MASP2: variants seen among roughly 807,000 people sequenced by gnomAD.
MASP2 encodes MBL associated serine protease 2, also known as mannan-binding lectin serine protease 2.
MASP2 carries 49 observed loss-of-function variants against 57.1 expected under a neutral mutation model. That is an observed-to-expected ratio of 0.86 (90% CI 0.68 to 1.09). The LOEUF is 1.09. MASP2 is among the 50% of genes least tolerant of loss of function. The probability of loss-of-function intolerance (pLI) is 0.00; values close to 1 mark genes in which losing one functional copy is unlikely to be tolerated. For missense variants in MASP2, 900 were observed against 874.8 expected (o/e 1.03, Z -0.36); for synonymous variants, 379 against 340.8 (o/e 1.11, Z -1.24).
rs1431701571 is a variant in MASP2 at position 11,030,176 on chromosome 1, C to T, written c.1297G>A (p.Val433Ile). The T allele has an allele frequency of 1.2e-6, 2 of 1,609,692 alleles. No homozygotes were observed. The highest frequency in any genetic ancestry group is 1.7e-6 in the Non-Finnish European group (2 of 1,176,556). The change falls in exon 10 of 11, where the codon GTT (valine) becomes ATT (isoleucine). Residue 433 changes from valine (V) to isoleucine (I), a missense_variant and splice_region_variant. Transcript: ENST00000400897. ...TCTCTTGTATAAATGTATCCATTAC[C>T]AGGCTCACAGACTGGGAGTGATTTT... ...GEKSLPVCEP[V>I]CGLSARTTGG... is the part of the protein sequence containing the mutation.
rs72550868 is a variant in MASP2 at position 11,037,844 on chromosome 1, A to C, written c.890-33T>G. 1,175 of 1,362,482 alleles carry C rather than the reference A, an allele frequency of 8.6e-4. 8 individuals carry two copies. In the African/African-American group the frequency reaches 8.9e-3, roughly 10 times the overall value. The allele number at this position is 1,362,482 out of a possible 1,614,324, so 84.4% of individuals were successfully genotyped here. The stretch of plus-strand genomic sequence containing the variant: ...GAGGAAACCAGGCTTGTTGGTTTTC[A>C]TGTGGTCTACAGCAGCCAAGACTGA... On this transcript the variant is annotated intron_variant, in intron 6 of 10. Coordinates refer to ENST00000400897, the MANE Select transcript of MASP2 (RefSeq NM_006610.4).
rs765443160 is a variant in MASP2 at position 11,027,453 on chromosome 1, C to T, written c.1493G>A (p.Arg498Gln). The T allele has an allele frequency of 5.0e-6, 8 of 1,614,046 alleles. No homozygotes were observed. The East Asian group carries it at 6.7e-5, about 13-fold the overall frequency. The change falls in exon 11 of 11, where the codon CGA (arginine) becomes CAA (glutamine). Residue 498 changes from arginine (R) to glutamine (Q), a missense_variant. Transcript: ENST00000400897. ...TGATAGTCTTTTCAGGGTGCCCATT[C>T]GAATGTCCAGGGCGGATGCATCATG... ...QKHDASALDI[R>Q]MGTLKRLSPH...
intron 8 of MASP2, among the ~76,000 whole-genome samples, chr1:11,032,338 C>T (rs1277879933): frequency 2.6e-5 from 4 of 152,070 alleles, no homozygotes; most frequent in Non-Finnish European, 5.9e-5. Flanking sequence ...TAGGCCGGGC[C>T]TGGTGGCTCA....
At chr1:11,039,428 A>G (rs1557672571) in intron 6 of MASP2, among the ~76,000 whole-genome samples, 1 of 132,436 alleles carries the variant, frequency 7.6e-6, no homozygotes, top group Non-Finnish European at 1.6e-5. Context: ...GTGTATGGAT[A>G]GATGGCTGGC....
chr1:11,037,028 A>C (rs1273424422), intron 7 of MASP2, among the ~76,000 whole-genome samples: 1 of 152,084 alleles, frequency 6.6e-6, no homozygotes, highest in Non-Finnish European at 1.5e-5. Flanking sequence ...GTGTGTGACC[A>C]ACAGAAAAGT....
chr1:11,047,145 G>T, intron 1 of MASP2, 26 bp from the exon 2 acceptor site: 1 of 1,549,510 alleles, frequency 6.5e-7, no homozygotes. Flanking sequence ...GGGCGGTGAG[G>T]GCCCAGGCCT....
At position 11,026,922 on chromosome 1, in the gene MASP2, T is replaced by G; in HGVS notation, c.2024A>C (p.Tyr675Ser). 1 of 1,503,236 alleles carries G rather than the reference T, an allele frequency of 6.7e-7. No individual in the cohort carries two copies. The highest frequency in any genetic ancestry group is 8.9e-7 in the Non-Finnish European group (1 of 1,127,150). 93.1% of individuals were successfully genotyped at this position (1,503,236 alleles called of 1,614,324 possible). Residue 675 changes from tyrosine (Y) to serine (S), a missense_variant, in exon 11 of 11, where the codon TAT (tyrosine) becomes TCT (serine). Tyr to Ser is a moderately radical substitution (Grantham distance 144). Coordinates refer to ENST00000400897, the MANE Select transcript of MASP2 (RefSeq NM_006610.4). ...AATTATGTTCTCGATCCAGGGAATA[T>G]AGTTAATAACTTTTGTGTAGACTCC... ...QYGVYTKVINYIPWIENIISD... is the reference protein window; with the variant it reads ...QYGVYTKVINSIPWIENIISD...
intron 8 of MASP2, among the ~76,000 whole-genome samples, chr1:11,034,545 A>C (rs1043924191): frequency 3.3e-5 from 5 of 151,868 alleles, no homozygotes; most frequent in Non-Finnish European, 7.4e-5. Flanking sequence ...AAATAATACA[A>C]AAATTAGCCA....
At chr1:11,033,246 T>G (rs1201553962) in intron 8 of MASP2, among the ~76,000 whole-genome samples, 1 of 151,824 alleles carries the variant, frequency 6.6e-6, no homozygotes, top group Non-Finnish European at 1.5e-5. Flanking sequence ...GAGAATCGCT[T>G]GAACCTGGGA....
chr1:11,041,360 C>A (rs1362272642), intron 6 of MASP2, among the ~76,000 whole-genome samples: 2 of 119,720 alleles, frequency 1.7e-5, no homozygotes, highest in Admixed American at 8.7e-5. Context: ...AGATAGGTGT[C>A]TGGAAGAATT....
At chr1:11,028,630 A>G (rs1308784228) in intron 10 of MASP2, among the ~76,000 whole-genome samples, 3 of 152,132 alleles carry the variant, frequency 2.0e-5, no homozygotes, top group African/African-American at 4.8e-5. Flanking sequence ...TTAGCCAAAT[A>G]CAGGTTTAAA....
chr1:11,035,444 T>C (rs1256157818), intron 7 of MASP2, among the ~76,000 whole-genome samples: 7 of 152,078 alleles, frequency 4.6e-5, no homozygotes, highest in Non-Finnish European at 1.0e-4. Context: ...GGAGAATTGC[T>C]TGAACCTGTG....
At chr1:11,034,966 A>G in intron 7 of MASP2, 60 bp from the exon 8 acceptor site, 1 of 1,244,946 alleles carries the variant, frequency 8.0e-7, no homozygotes, top group East Asian at 2.5e-5. Flanking sequence ...CACTCCCCAA[A>G]GCTGTGCTCT....
In MASP2 at chr1:11,030,874, A is replaced by G; in HGVS notation, c.1096T>C (p.Cys366Arg). ...RPMPACSIVD[C>R]GPPDDLPSGR... is the part of the protein sequence containing the mutation. ...CTGGGTAGATCATCAGGAGGGCCAC[A>G]GTCAACAACTAAGAAAGAAGCATGG... The change falls in exon 9 of 11, where the codon TGT (cysteine) becomes CGT (arginine). Residue 366 changes from cysteine to arginine, a missense_variant. Physicochemically the swap from Cys to Arg is radical, Grantham distance 180 (BLOSUM62 -3). Coordinates refer to ENST00000400897, the MANE Select transcript of MASP2 (RefSeq NM_006610.4). 1 of 1,611,978 alleles carries G rather than the reference A, an allele frequency of 6.2e-7. No homozygotes were observed. Among genetic ancestry groups the G allele is most frequent in the Non-Finnish European group, 8.5e-7 (1 of 1,179,262 alleles).
intron 6 of MASP2, among the ~76,000 whole-genome samples, chr1:11,039,402 G>C (rs1161243875): frequency 2.7e-5 from 4 of 148,098 alleles, no homozygotes; most frequent in Admixed American, 6.8e-5. Flanking sequence ...AGAAGGACTG[G>C]TAGGCAGAAG....
Position 11,046,881 on chromosome 1 carries a change from C to T in MASP2, c.234+10G>A, listed in dbSNP as rs1309355409. The T allele has an allele frequency of 6.4e-7, 1 of 1,560,094 alleles. No individual in the cohort carries two copies. The highest frequency in any genetic ancestry group is 1.2e-5 in the South Asian group (1 of 84,922). ...CCTGAGAAACCCCAGCCCTCCCGTC[C>T]TGACGGCACCTTGACGAAGTCGTAC... On this transcript the variant is annotated intron_variant, in intron 2 of 10. Coordinates refer to ENST00000400897, the MANE Select transcript of MASP2 (RefSeq NM_006610.4).
chr1:11,041,388 ATGGATGGATGGATGAG>A (rs1428465171), intron 6 of MASP2, among the ~76,000 whole-genome samples: 4 of 125,440 alleles, frequency 3.2e-5, no homozygotes, highest in East Asian at 2.5e-4. Flanking sequence ...GGATGGATGG[ATGGATGGATGGATGAG>A]TGGATGGATG....
chr1:11,043,316 G>C, intron 5 of MASP2, 23 bp downstream of exon 5: 1 of 1,588,190 alleles, frequency 6.3e-7, no homozygotes, highest in Non-Finnish European at 8.6e-7. Context: ...TCTGGGACAA[G>C]ATGAGGGGCC....
rs1388615719 is a variant in MASP2, at chr1:11,045,557, C to T, written c.413-18G>A. 6.3e-7 allele frequency: 1 copy of T among 1,595,404 alleles called. No homozygotes were observed. The highest frequency in any genetic ancestry group is 8.5e-7 in the Non-Finnish European group (1 of 1,173,724). Reference sequence around the variant, plus strand: ...GTCAATGTCTGGGGGAGAGGCAGGGCCAGGCAGGCCGTCAGGAGGGAAAGA... The same window carrying T: ...GTCAATGTCTGGGGGAGAGGCAGGGTCAGGCAGGCCGTCAGGAGGGAAAGA... On this transcript the variant is annotated intron_variant, in intron 3 of 10. Coordinates refer to ENST00000400897, the MANE Select transcript of MASP2 (RefSeq NM_006610.4).
Sources: gnomAD v4.1 joint callset for allele counts (sites outside exome capture counted in the v4.1 genomes callset) on GRCh38, gnomAD v4.1.1 for gene constraint, MANE v1.5 for transcripts, NCBI Gene and HGNC (gene_info 2026-07-23, HGNC 2026-07-21) for gene names.